CACNB2: variants seen among roughly 807,000 people sequenced by gnomAD.
The protein encoded by CACNB2 is voltage-dependent L-type calcium channel subunit beta-2.
CACNB2 carries 42 observed loss-of-function variants against 73.3 expected under a neutral mutation model. The observed-to-expected ratio is 0.57, with a 90% CI of 0.45 to 0.74. The LOEUF (loss-of-function observed/expected upper bound fraction) is 0.74. CACNB2 is among the 30% of genes least tolerant of loss of function. The pLI is 0.00. For synonymous variants in CACNB2, 348 were observed against 310.3 expected (o/e 1.12, Z -1.28); for missense variants, 940 against 853.0 (o/e 1.10, Z -1.27).
At chr10:18,507,723 G>A (rs1476926658) in intron 6 of CACNB2, among the ~76,000 whole-genome samples, 1 of 152,148 alleles carries the variant, frequency 6.6e-6, no homozygotes, top group East Asian at 1.9e-4. Flanking sequence ...GACTGCCAGG[G>A]TGTTTCAGCA....
At chr10:18,293,296 T>C (rs1172615203) in intron 2 of CACNB2, among the ~76,000 whole-genome samples, 1 of 152,228 alleles carries the variant, frequency 6.6e-6, no homozygotes, top group East Asian at 1.9e-4. Context: ...CCAAGAGATA[T>C]GATTCAGGAA....
At position 18,449,899 on chromosome 10, in the gene CACNB2, T is replaced by C. The variant is rs560875845; in HGVS notation, c.333+47856T>C. Among the ~76,000 whole-genome samples, 5 of 152,238 alleles carry C rather than the reference T, an allele frequency of 3.3e-5. No individual in the cohort carries two copies. The South Asian group carries it at 1.0e-3, about 32-fold the overall frequency. On this transcript the variant is annotated intron_variant, in intron 3 of 13. Coordinates refer to ENST00000324631, the MANE Select transcript of CACNB2 (RefSeq NM_201596.3). ...GAAAGGTCACACACCAGGACCAGTG[T>C]TGAGAACAAGAGGTAGGATGATGCA...
At chr10:18,459,732 C>T (rs80145851) in intron 3 of CACNB2, among the ~76,000 whole-genome samples, 135 of 152,284 alleles carry the variant, frequency 8.9e-4, no homozygotes, top group African/African-American at 2.9e-3. Context: ...GCTGGCCGGG[C>T]GCAGTGGCTC....
intron 2 of CACNB2, among the ~76,000 whole-genome samples, chr10:18,155,553 T>C (rs1324241888): frequency 1.3e-5 from 2 of 152,226 alleles, no homozygotes; most frequent in Non-Finnish European, 2.9e-5. Context: ...CACATATGTA[T>C]GCATTTTTGT....
intron 2 of CACNB2, among the ~76,000 whole-genome samples, chr10:18,287,232 G>C (rs748361338): frequency 2.2e-4 from 34 of 152,134 alleles, no homozygotes; most frequent in Non-Finnish European, 4.9e-4. Context: ...AGGAGGCTGA[G>C]GCACGAGAAT....
At chr10:18,436,044 T>C (rs1423829461) in intron 3 of CACNB2, among the ~76,000 whole-genome samples, 1 of 152,228 alleles carries the variant, frequency 6.6e-6, no homozygotes, top group Non-Finnish European at 1.5e-5. Flanking sequence ...AGAGAATTGA[T>C]AAGTTTAACA....
rs112945151 is a variant in CACNB2, at chr10:18,524,207, GT to G, written c.945-3369del. 2.1e-3 allele frequency among the ~76,000 whole-genome samples: 306 copies of G among 145,440 alleles called. 1 individual carries two copies. The highest frequency in any genetic ancestry group is 5.6e-3 in the African/African-American group (224 of 39,960). Reference sequence around the variant, plus strand: ...GAAAGCTACCTGGGATAAATTCACGGTTTTTTTTTTTTGTTTTTTTGTTTTG... The same window carrying G: ...GAAAGCTACCTGGGATAAATTCACGGTTTTTTTTTTTGTTTTTTTGTTTTG... On this transcript the variant is annotated intron_variant, in intron 9 of 13. Coordinates refer to ENST00000324631, the MANE Select transcript of CACNB2 (RefSeq NM_201596.3).
intron 3 of CACNB2, among the ~76,000 whole-genome samples, chr10:18,429,521 A>G (rs1426884112): frequency 2.0e-5 from 3 of 152,110 alleles, no homozygotes; most frequent in Non-Finnish European, 4.4e-5. Flanking sequence ...CTTCAGTGGA[A>G]TGTTTGTTCA....
chr10:18,221,161 T>A (rs1342954134), intron 2 of CACNB2, among the ~76,000 whole-genome samples: 1 of 152,170 alleles, frequency 6.6e-6, no homozygotes, highest in Non-Finnish European at 1.5e-5. Flanking sequence ...TGAAAGGTAT[T>A]CATCTTTTTC....
chr10:18,346,411 T>C (rs2041457201), intron 2 of CACNB2, among the ~76,000 whole-genome samples: 2 of 152,158 alleles, frequency 1.3e-5, no homozygotes, highest in East Asian at 3.9e-4. Flanking sequence ...GTGCTGGGAT[T>C]ACGGGCGTGA....
At chr10:18,491,196 C>G (rs554745377) in intron 3 of CACNB2, among the ~76,000 whole-genome samples, 2 of 152,344 alleles carry the variant, frequency 1.3e-5, no homozygotes, top group East Asian at 3.9e-4. Flanking sequence ...ATCCAAGAAT[C>G]AGTTCTATTC....
intron 8 of CACNB2, 31 bp from the exon 9 acceptor site, chr10:18,518,879 A>G: frequency 3.1e-6 from 5 of 1,599,610 alleles, no homozygotes; most frequent in East Asian, 4.5e-5. Context: ...TTTTTTGGTC[A>G]TATCTTAATT....
At chr10:18,267,156 A>T (rs755432525) in intron 2 of CACNB2, among the ~76,000 whole-genome samples, 3 of 151,486 alleles carry the variant, frequency 2.0e-5, no homozygotes. Flanking sequence ...TCATATATGT[A>T]TTTTCGTAAG....
At chr10:18,223,991 A>ATTTT (rs11310932) in intron 2 of CACNB2, among the ~76,000 whole-genome samples, 3,000 of 146,988 alleles carry the variant, frequency 0.02, 74 homozygotes, top group African/African-American at 0.058. Flanking sequence ...TAAGGGGTCT[A>ATTTT]TTTTTTTTTT....
intron 2 of CACNB2, among the ~76,000 whole-genome samples, chr10:18,226,597 G>C (rs186555673): frequency 1.3e-5 from 2 of 152,082 alleles, no homozygotes; most frequent in Non-Finnish European, 2.9e-5. Flanking sequence ...ACGATCTGCC[G>C]GCACTTCTTG....
At chr10:18,368,501 T>C (rs1486508241) in intron 2 of CACNB2, among the ~76,000 whole-genome samples, 1 of 152,160 alleles carries the variant, frequency 6.6e-6, no homozygotes, top group Admixed American at 6.5e-5. Context: ...ATGTGGCTCA[T>C]ACAGAATTTT....
intron 2 of CACNB2, among the ~76,000 whole-genome samples, chr10:18,344,765 G>A (rs540733234): frequency 4.9e-4 from 75 of 152,176 alleles, no homozygotes; most frequent in Non-Finnish European, 7.9e-4. Context: ...CAACAACTCC[G>A]TCTCAAAATA....
chr10:18,234,421 CGA>C (rs1294641727), intron 2 of CACNB2, among the ~76,000 whole-genome samples: 1 of 151,960 alleles, frequency 6.6e-6, no homozygotes, highest in Non-Finnish European at 1.5e-5. Context: ...AAGCAGGGAC[CGA>C]GAGAGAGATT....
At chr10:18,502,307 C>CAA (rs34086285) in intron 5 of CACNB2, among the ~76,000 whole-genome samples, 40 of 147,884 alleles carry the variant, frequency 2.7e-4, no homozygotes, top group East Asian at 6.0e-4. Context: ...GACTCTATCT[C>CAA]AAAAAAAAAA....
Sources: allele counts gnomAD v4.1 joint callset (sites outside exome capture counted in the v4.1 genomes callset), GRCh38; gene constraint gnomAD v4.1.1; transcripts MANE v1.5; gene names NCBI Gene and HGNC (gene_info 2026-07-23, HGNC 2026-07-21).